ARPP21: variants seen among roughly 807,000 people sequenced by gnomAD.
ARPP21 encodes cAMP-regulated phosphoprotein 21.
Under a neutral mutation model 113.2 loss-of-function variants are expected in ARPP21, and 69 were observed. The ratio of observed to expected loss-of-function variants is 0.61; its 90% CI spans 0.50 to 0.74. ARPP21 has a LOEUF of 0.74. Among genes scored for constraint, ARPP21 ranks in the 30% least tolerant of loss-of-function variants. The pLI is 0.00. For synonymous variants in ARPP21, 368 were observed against 375.5 expected, an observed-to-expected ratio of 0.98 and a Z score of 0.23; for missense variants, 1,070 against 1,037.4, an observed-to-expected ratio of 1.03 and a Z score of -0.43.
chr3:35,731,297 G>T (rs2093941734), intron 15 of ARPP21, among the ~76,000 whole-genome samples: 1 of 152,150 alleles, frequency 6.6e-6, no homozygotes, highest in South Asian at 2.1e-4. Flanking sequence ...GAAACAGAAT[G>T]TTGTTTGATG....
At chr3:35,688,142 A>G (rs1333952015) in intron 6 of ARPP21, among the ~76,000 whole-genome samples, 1 of 151,550 alleles carries the variant, frequency 6.6e-6, no homozygotes, top group African/African-American at 2.4e-5. Context: ...GTTTTCAGTG[A>G]CAAGCTTGTA....
At chr3:35,748,651 TTGAAA>T (rs1190544363) in intron 19 of ARPP21, among the ~76,000 whole-genome samples, 17 of 152,362 alleles carry the variant, frequency 1.1e-4, no homozygotes, top group African/African-American at 4.1e-4. Context: ...CCTTCAGATA[TTGAAA>T]TGAAGTGTTG....
In ARPP21 at chr3:35,737,296, C is replaced by G. The variant is rs1254310866; in HGVS notation, c.1578C>G (p.Pro526=). The change falls in exon 16 of 21, where the codon CCC becomes CCG. Residue 526 remains proline (P), a synonymous_variant. Transcript: ENST00000684406. Reference sequence around the variant, plus strand: ...AACAGCAGCCACCACAGCAGCAGCCCTCCCCGCAGCCCCAACAGCAGGTCC... The same window carrying G: ...AACAGCAGCCACCACAGCAGCAGCCGTCCCCGCAGCCCCAACAGCAGGTCC... ...QSQQQPPQQQ[P]SPQPQQQVQP... is the part of the protein sequence containing the mutation. 1.2e-6 allele frequency: 2 copies of G among 1,613,118 alleles called. No homozygotes were observed. Among genetic ancestry groups the G allele is most frequent in the South Asian group, 1.1e-5 (1 of 90,896 alleles).
chr3:35,641,590 A>C (rs1698100146), intron 1 of ARPP21: 2 of 152,228 alleles, frequency 1.3e-5, no homozygotes, highest in Admixed American at 1.3e-4. Flanking sequence ...TGTTTTGTTC[A>C]AATAGCCGAG....
Position 35,687,755 on chromosome 3 carries a change from A to T in ARPP21, c.278A>T (p.Gln93Leu). The T allele has an allele frequency of 6.2e-7, 1 of 1,602,454 alleles. No individual in the cohort carries two copies. The highest frequency in any genetic ancestry group is 2.2e-5 in the East Asian group (1 of 44,638). The change falls in exon 6 of 21, where the codon CAG (glutamine) becomes CTG (leucine). Residue 93 changes from glutamine to leucine, a missense_variant. By Grantham distance (113) the Gln-to-Leu change is moderately radical. Coordinates refer to ENST00000684406, the MANE Select transcript of ARPP21 (RefSeq NM_001385562.1). ...SLQDQESIHL[Q>L]LSSFSSLQEE... ...CCCCAACAGGAATCAATTCATTTACAGCTTTCCAGTTTTTCCAGCCTGCAA... is the reference window on the plus strand; with the variant it reads ...CCCCAACAGGAATCAATTCATTTACTGCTTTCCAGTTTTTCCAGCCTGCAA...
chr3:35,703,782 T>A (rs982892854), intron 9 of ARPP21, among the ~76,000 whole-genome samples: 12 of 151,936 alleles, frequency 7.9e-5, no homozygotes, highest in Non-Finnish European at 1.3e-4. Context: ...ATTAATACAT[T>A]AAAAGTTATC....
intron 15 of ARPP21, among the ~76,000 whole-genome samples, chr3:35,734,640 A>T (rs1269755924): frequency 1.3e-5 from 2 of 152,176 alleles, no homozygotes; most frequent in Admixed American, 6.5e-5. Context: ...ATATATTTGC[A>T]CTCAAAATTT....
chr3:35,782,261 A>G (rs1212954509), intron 19 of ARPP21, among the ~76,000 whole-genome samples: 1 of 152,188 alleles, frequency 6.6e-6, no homozygotes, highest in African/African-American at 2.4e-5. Flanking sequence ...GATCCTGTCA[A>G]TTAATTTAGT....
intron 14 of ARPP21, among the ~76,000 whole-genome samples, chr3:35,724,128 C>A (rs1031769094): frequency 6.6e-6 from 1 of 152,188 alleles, no homozygotes; most frequent in Admixed American, 6.5e-5. Flanking sequence ...AATAATGAGA[C>A]TTTTTCCACA....
At chr3:35,772,566 C>T (rs988743022) in intron 19 of ARPP21, among the ~76,000 whole-genome samples, 1 of 152,154 alleles carries the variant, frequency 6.6e-6, no homozygotes, top group Admixed American at 6.6e-5. Context: ...ATGTTTTCTG[C>T]GCTCAGAGAT....
chr3:35,788,120 A>G lies in ARPP21; in HGVS notation c.2138-4262A>G, dbSNP rs539123150. ...ACAGAAGAATTGACAGGGAGCCAAG[A>G]AAACAGAACCAGGCAGATACTGTAA... On this transcript the variant is annotated intron_variant, in intron 19 of 20. Coordinates refer to ENST00000684406, the MANE Select transcript of ARPP21 (RefSeq NM_001385562.1). 2.0e-5 allele frequency among the ~76,000 whole-genome samples: 3 copies of G among 152,340 alleles called. No homozygotes were observed. The South Asian group carries it at 6.2e-4, about 32-fold the overall frequency.
rs543476451 is a variant in ARPP21 at position 35,776,608 on chromosome 3, G to A, written c.2138-15774G>A. On this transcript the variant is annotated intron_variant, in intron 19 of 20. Transcript: ENST00000684406. ...AGTTCTCCTTTGATGGGGAGAAAAT[G>A]TAGCCTGTTGTAGGAAGTGTAAGCA... Among the ~76,000 whole-genome samples, 15 of 152,250 alleles carry A rather than the reference G, an allele frequency of 9.9e-5. 1 individual carries two copies. The South Asian group carries it at 1.9e-3, about 19-fold the overall frequency.
chr3:35,727,946 C>T (rs976921537), intron 14 of ARPP21, among the ~76,000 whole-genome samples: 11 of 152,026 alleles, frequency 7.2e-5, no homozygotes. Context: ...ACCTTAGGGG[C>T]TTCTGCACAC....
intron 19 of ARPP21, among the ~76,000 whole-genome samples, chr3:35,782,971 G>GT (rs2096556782): frequency 6.6e-6 from 1 of 151,844 alleles, no homozygotes; most frequent in Non-Finnish European, 1.5e-5. Flanking sequence ...CGGTTTGTTT[G>GT]TTTTTTTAAC....
chr3:35,726,678 T>C (rs1047161851), intron 14 of ARPP21, among the ~76,000 whole-genome samples: 2 of 152,200 alleles, frequency 1.3e-5, no homozygotes, highest in African/African-American at 4.8e-5. Flanking sequence ...ACTCTTTGGA[T>C]TGGATTGTGA....
chr3:35,667,839 TCAAAGAAGAAGAAGAAGAAGAAGAAGA>T lies in ARPP21; in HGVS notation c.-212-11947_-212-11921del, dbSNP rs1270684257. 6.8e-4 allele frequency among the ~76,000 whole-genome samples: 33 copies of T among 48,428 alleles called. 2 individuals carry two copies. Among genetic ancestry groups the T allele is most frequent in the African/African-American group, 2.3e-3 (32 of 13,922 alleles). The allele number at this position is 48,428 out of a possible 152,430, so 31.8% of individuals were successfully genotyped here. A position where few individuals can be genotyped will look rare whatever the true frequency, so the allele number is the denominator to read the frequency against. ...AAGATCACCTGCAGTACTTTTATTC[TCAAAGAAGAAGAAGAAGAAGAAGAAGA>T]AGAAGAAGAAGAAGAAGAAGAAGAG... On this transcript the variant is annotated intron_variant, in intron 1 of 20. Transcript: ENST00000684406.
chr3:35,675,974 G>A (rs1250441567), intron 1 of ARPP21, among the ~76,000 whole-genome samples: 1 of 151,716 alleles, frequency 6.6e-6, no homozygotes, highest in Non-Finnish European at 1.5e-5. Flanking sequence ...CCCTCTTATA[G>A]TATCATTTTC....
At chr3:35,647,085 C>T (rs572448833) in intron 1 of ARPP21, among the ~76,000 whole-genome samples, 1 of 152,232 alleles carries the variant, frequency 6.6e-6, no homozygotes, top group Admixed American at 6.5e-5. Flanking sequence ...TCTGCTTACC[C>T]TTAGCATTGT....
chr3:35,700,143 AT>A (rs1352250207), intron 9 of ARPP21, among the ~76,000 whole-genome samples: 1 of 151,732 alleles, frequency 6.6e-6, no homozygotes, highest in African/African-American at 2.4e-5. Flanking sequence ...CATGTACGTA[AT>A]CCTCCCAAGC....
Sources: gnomAD v4.1 joint callset for allele counts (sites outside exome capture counted in the v4.1 genomes callset) on GRCh38, gnomAD v4.1.1 for gene constraint, MANE v1.5 for transcripts, NCBI Gene and HGNC (gene_info 2026-07-23, HGNC 2026-07-21) for gene names.